ATRN: variants seen among roughly 807,000 people sequenced by gnomAD.
The protein encoded by ATRN is attractin, also known as attractin-2.
ATRN carries 54 observed loss-of-function variants against 178.7 expected under a neutral mutation model. The ratio of observed to expected loss-of-function variants is 0.30; its 90% confidence interval spans 0.24 to 0.38. The LOEUF (loss-of-function observed/expected upper bound fraction) is 0.38. ATRN is among the 10% of genes least tolerant of loss of function. The pLI is 1.00. For missense variants in ATRN, 1,443 were observed against 1,815.1 expected, an observed-to-expected ratio of 0.79 and a Z score of 3.73; for synonymous variants, 636 against 663.0, an observed-to-expected ratio of 0.96 and a Z score of 0.63.
At position 3,646,890 on chromosome 20, in the gene ATRN, C is replaced by G. The variant is rs754108138; in HGVS notation, c.*43C>G. On this transcript the variant is annotated 3_prime_UTR_variant, in exon 29 of 29. Coordinates refer to ENST00000262919, the MANE Select transcript of ATRN (RefSeq NM_139321.3). ...CTCCCACGCACGAGCTAGTGAGTGG[C>G]ACACCAGAGCCATCTGCAGGGAAGG... 1 of 1,606,736 alleles carries G rather than the reference C, an allele frequency of 6.2e-7. No individual in the cohort carries two copies. Among genetic ancestry groups the G allele is most frequent in the African/African-American group, 1.3e-5 (1 of 74,738 alleles).
At chr20:3,533,902 C>G (rs1001172007) in intron 1 of ATRN, among the ~76,000 whole-genome samples, 2 of 152,176 alleles carry the variant, frequency 1.3e-5, no homozygotes, top group African/African-American at 4.8e-5. Context: ...AAGCAGTCCT[C>G]CTGCCTCAGC....
intron 27 of ATRN, among the ~76,000 whole-genome samples, 193 bp downstream of exon 27, chr20:3,639,128 G>A (rs1204331493): frequency 5.3e-5 from 8 of 152,102 alleles, no homozygotes; most frequent in South Asian, 2.1e-4. Flanking sequence ...GTTTCATGTC[G>A]CTGAGCAGTC....
intron 1 of ATRN, among the ~76,000 whole-genome samples, chr20:3,495,035 T>G (rs960725587): frequency 7.9e-5 from 12 of 152,218 alleles, no homozygotes; most frequent in African/African-American, 2.9e-4. Context: ...ATTTATAATG[T>G]TATATCATTT....
chr20:3,509,326 A>G (rs951777740), intron 1 of ATRN, among the ~76,000 whole-genome samples: 5 of 152,224 alleles, frequency 3.3e-5, no homozygotes, highest in Admixed American at 6.5e-5. Flanking sequence ...CAGCTGGTTT[A>G]TGTCTATATC....
At chr20:3,564,624 A>T (rs1600110712) in intron 10 of ATRN, among the ~76,000 whole-genome samples, 1 of 152,228 alleles carries the variant, frequency 6.6e-6, no homozygotes, top group East Asian at 1.9e-4. Flanking sequence ...GGTGACATTT[A>T]AATTTCTTGA....
intron 1 of ATRN, among the ~76,000 whole-genome samples, chr20:3,496,726 G>A (rs1051599567): frequency 3.9e-5 from 6 of 152,108 alleles, no homozygotes; most frequent in Admixed American, 2.0e-4. Flanking sequence ...TTTCTGTCTC[G>A]TTGATCTAAT....
At chr20:3,619,640 G>A (rs1422880399) in intron 24 of ATRN, among the ~76,000 whole-genome samples, 1 of 152,156 alleles carries the variant, frequency 6.6e-6, no homozygotes, top group Non-Finnish European at 1.5e-5. Flanking sequence ...TATAAGAAAT[G>A]CCATGCTTCC....
At chr20:3,598,725 G>T (rs1179576093) in intron 22 of ATRN, among the ~76,000 whole-genome samples, 3 of 152,110 alleles carry the variant, frequency 2.0e-5, no homozygotes, top group Admixed American at 6.5e-5. Flanking sequence ...TTTCTTCAAT[G>T]AAATATAAAG....
chr20:3,594,755 G>C (rs2086500307), intron 20 of ATRN, among the ~76,000 whole-genome samples, 183 bp downstream of exon 20: 1 of 152,156 alleles, frequency 6.6e-6, no homozygotes. Flanking sequence ...AAAATGAGGA[G>C]GTCGTCGAGT....
intron 11 of ATRN, among the ~76,000 whole-genome samples, chr20:3,570,513 GT>G (rs1056815466): frequency 2.9e-4 from 42 of 143,936 alleles, no homozygotes; most frequent in East Asian, 6.0e-4. Context: ...AAATTAGGTT[GT>G]TTTTTTTTTT....
chr20:3,611,058 AATGTAAAACATAAAACT>A (rs2086756861), intron 24 of ATRN, among the ~76,000 whole-genome samples: 1 of 152,198 alleles, frequency 6.6e-6, no homozygotes, highest in Admixed American at 6.5e-5. Context: ...CACAGATCTA[AATGTAAAACATAAAACT>A]ATAAAACTTT....
rs749005532 is a variant in ATRN at position 3,604,154 on chromosome 20, T to C, written c.3693T>C (p.Ile1231=). The C allele has an allele frequency of 6.2e-7, 1 of 1,610,258 alleles. No individual in the cohort carries two copies. The highest frequency in any genetic ancestry group is 1.1e-5 in the South Asian group (1 of 89,856). The change falls in exon 24 of 29, where the codon ATT becomes ATC. Residue 1231 remains isoleucine, a synonymous_variant. Transcript: ENST00000262919. ...EEMPVVSKTN[I]KEYKDSFSNE... ...TGCCTGTTGTTTCAAAAACCAACATTAAGGAGTACAAAGATAGTTTCTCTA... is the reference window on the plus strand; with the variant it reads ...TGCCTGTTGTTTCAAAAACCAACATCAAGGAGTACAAAGATAGTTTCTCTA...
intron 19 of ATRN, among the ~76,000 whole-genome samples, chr20:3,591,603 T>C (rs979492266): frequency 2.0e-5 from 3 of 152,144 alleles, no homozygotes; most frequent in Admixed American, 1.3e-4. Flanking sequence ...TTTCCTCCCA[T>C]TGAACAGGGC....
At chr20:3,551,183 C>G (rs192815247) in intron 6 of ATRN, among the ~76,000 whole-genome samples, 1 of 152,334 alleles carries the variant, frequency 6.6e-6, no homozygotes, top group Admixed American at 6.5e-5. Context: ...ATACTATGCT[C>G]TATCCCCAGG....
At chr20:3,626,033 A>C (rs1290324155) in intron 25 of ATRN, among the ~76,000 whole-genome samples, 1 of 152,166 alleles carries the variant, frequency 6.6e-6, no homozygotes, top group Non-Finnish European at 1.5e-5. Flanking sequence ...GGAGTTCGAG[A>C]CCAGCCTGGA....
At chr20:3,520,755 C>A (rs925417148) in intron 1 of ATRN, among the ~76,000 whole-genome samples, 5 of 152,156 alleles carry the variant, frequency 3.3e-5, no homozygotes, top group Admixed American at 6.5e-5. Context: ...CCTCAGCCTC[C>A]CAAAGTGCTG....
intron 1 of ATRN, among the ~76,000 whole-genome samples, chr20:3,496,860 A>G (rs1376987598): frequency 6.7e-6 from 1 of 150,188 alleles, no homozygotes; most frequent in African/African-American, 2.5e-5. Context: ...TTGGGTGCAT[A>G]TATATTTAGG....
At chr20:3,628,264 T>A (rs1302152616) in intron 25 of ATRN, among the ~76,000 whole-genome samples, 2 of 77,800 alleles carry the variant, frequency 2.6e-5, no homozygotes, top group Non-Finnish European at 4.7e-5. Context: ...TTTAAAAAAA[T>A]TTCTTAGAAA....
At chr20:3,625,442 A>G (rs1014514627) in intron 25 of ATRN, among the ~76,000 whole-genome samples, 2 of 152,230 alleles carry the variant, frequency 1.3e-5, no homozygotes, top group Non-Finnish European at 2.9e-5. Flanking sequence ...TTTTTTGGGT[A>G]GAAGGATCAT....
Sources: allele counts gnomAD v4.1 joint callset (sites outside exome capture counted in the v4.1 genomes callset), GRCh38; gene constraint gnomAD v4.1.1; transcripts MANE v1.5; gene names NCBI Gene and HGNC (gene_info 2026-07-23, HGNC 2026-07-21).